The following ENOX1 variants were observed in gnomAD, a reference collection of about 807,000 sequenced individuals.
The protein encoded by ENOX1 is candidate growth-related and time keeping constitutive hydroquinone (NADH) oxidase.
ENOX1 carries 42 observed loss-of-function variants against 82.5 expected under a neutral mutation model. The observed-to-expected ratio is 0.51, with a 90% CI of 0.40 to 0.66. The LOEUF is 0.66. Among genes scored for constraint, ENOX1 ranks in the 30% least tolerant of loss-of-function variants. ENOX1 has a pLI of 0.00. For synonymous variants in ENOX1, 271 were observed against 282.2 expected, an observed-to-expected ratio of 0.96 and a Z score of 0.40; for missense variants, 608 against 811.6, an observed-to-expected ratio of 0.75 and a Z score of 3.05.
chr13:43,606,741 C>T (rs1213926245), intron 2 of ENOX1, among the ~76,000 whole-genome samples: 1 of 151,926 alleles, frequency 6.6e-6, no homozygotes, highest in Non-Finnish European at 1.5e-5. Context: ...GATGGCAGGG[C>T]ATGGTGGCTC....
Position 43,396,472 on chromosome 13 carries a change from C to T in ENOX1, c.208+15444G>A, listed in dbSNP as rs140850953. On this transcript the variant is annotated intron_variant, in intron 5 of 16. Coordinates refer to ENST00000690772, the MANE Select transcript of ENOX1 (RefSeq NM_001347969.2). Reference sequence around the variant, plus strand: ...TCGGCTCACTGCAACCTCCGCCTTCCGGGTTCAAGTGATTCTCCTGTGTCA... The same window carrying T: ...TCGGCTCACTGCAACCTCCGCCTTCTGGGTTCAAGTGATTCTCCTGTGTCA... Among the ~76,000 whole-genome samples the T allele has an allele frequency of 2.7e-3, 411 of 152,268 alleles. 10 individuals carry two copies. In the East Asian group the frequency reaches 0.047, roughly 18 times the overall value.
chr13:43,751,842 T>C (rs1272703093), intron 1 of ENOX1, among the ~76,000 whole-genome samples: 3 of 152,200 alleles, frequency 2.0e-5, no homozygotes, highest in Non-Finnish European at 4.4e-5. Flanking sequence ...GCTATGAACA[T>C]TCACATACAA....
rs900892625 is a variant in ENOX1, at chr13:43,506,683, G to A, written c.-218-22531C>T. On this transcript the variant is annotated intron_variant, in intron 2 of 16. Coordinates refer to ENST00000690772, the MANE Select transcript of ENOX1 (RefSeq NM_001347969.2). ...AAAAAATGATGAGTTCATGTCCTTT[G>A]TAGGGACATGGATGAAGCTGGAAAC... Among the ~76,000 whole-genome samples, 5 of 134,588 alleles carry A rather than the reference G, an allele frequency of 3.7e-5. 1 individual carries two copies. Among genetic ancestry groups the A allele is most frequent in the African/African-American group, 1.3e-4 (5 of 37,570 alleles). 88.3% of individuals were successfully genotyped at this position (134,588 alleles called of 152,430 possible).
At chr13:43,459,005 T>G (rs569864394) in intron 3 of ENOX1, 1 of 152,338 alleles carries the variant, frequency 6.6e-6, no homozygotes, top group South Asian at 2.1e-4. Flanking sequence ...TATGTTTCTC[T>G]GAGTTTCTAC....
rs2050498054 is a variant in ENOX1 at position 43,361,445 on chromosome 13, G to T, written c.216C>A (p.Ile72=). 6.2e-7 allele frequency: 1 copy of T among 1,610,756 alleles called. No individual in the cohort carries two copies. The highest frequency in any genetic ancestry group is 1.1e-5 in the South Asian group (1 of 89,922). The change falls in exon 6 of 17, where the codon ATC becomes ATA. Residue 72 remains isoleucine, a synonymous_variant. Transcript: ENST00000690772. ...LPGQQLVSDS[I]CVPGFDPSLN... is the part of the protein sequence containing the mutation. ...GGCTTGGATCAAAGCCTGGGACACA[G>T]ATTGAGTCTGTAAAGTATACAAGAT...
intron 1 of ENOX1, among the ~76,000 whole-genome samples, chr13:43,705,307 T>A (rs955328093): frequency 3.1e-5 from 2 of 64,532 alleles, no homozygotes; most frequent in Non-Finnish European, 7.4e-5. Flanking sequence ...AAACAACAAC[T>A]CTCTCTCTCT....
At chr13:43,528,661 T>C (rs914207165) in intron 2 of ENOX1, among the ~76,000 whole-genome samples, 3 of 152,128 alleles carry the variant, frequency 2.0e-5, no homozygotes, top group Non-Finnish European at 4.4e-5. Context: ...TATTCTTTCA[T>C]AGAAGGTTTT....
intron 1 of ENOX1, among the ~76,000 whole-genome samples, chr13:43,707,970 A>C (rs669486): frequency 0.92 from 139,415 of 152,056 alleles, 64,211 homozygotes; most frequent in East Asian, 1. Flanking sequence ...GAATGTCAGG[A>C]CACCATCAGG....
At chr13:43,567,690 T>G (rs998806841) in intron 2 of ENOX1, among the ~76,000 whole-genome samples, 1 of 152,024 alleles carries the variant, frequency 6.6e-6, no homozygotes, top group African/African-American at 2.4e-5. Flanking sequence ...GAGGGATCAG[T>G]GCTTAATCTA....
chr13:43,715,279 C>T (rs936452439), intron 1 of ENOX1, among the ~76,000 whole-genome samples: 20 of 152,166 alleles, frequency 1.3e-4, no homozygotes, highest in Middle Eastern at 3.2e-3. Context: ...CCGAGAGATC[C>T]GCTGTTAGTC....
intron 2 of ENOX1, among the ~76,000 whole-genome samples, chr13:43,589,962 A>C (rs1056463177): frequency 2.6e-5 from 4 of 152,118 alleles, no homozygotes; most frequent in Non-Finnish European, 5.9e-5. Context: ...AAGTTCAGCC[A>C]AGTATGAGCT....
chr13:43,267,174 T>C (rs528235615), intron 13 of ENOX1, among the ~76,000 whole-genome samples: 1 of 152,252 alleles, frequency 6.6e-6, no homozygotes, highest in East Asian at 1.9e-4. Context: ...TGCTGCTTTG[T>C]TCTTCTCTCT....
At chr13:43,435,146 G>C (rs1242796695) in intron 3 of ENOX1, among the ~76,000 whole-genome samples, 1 of 151,844 alleles carries the variant, frequency 6.6e-6, no homozygotes, top group Non-Finnish European at 1.5e-5. Context: ...TTTCCTTATG[G>C]TCATTCTAAA....
chr13:43,282,849 T>G (rs1277451510), intron 12 of ENOX1, among the ~76,000 whole-genome samples: 1 of 151,786 alleles, frequency 6.6e-6, no homozygotes, highest in Non-Finnish European at 1.5e-5. Flanking sequence ...TCCCAGCACT[T>G]TGGGAGGCTG....
intron 2 of ENOX1, among the ~76,000 whole-genome samples, chr13:43,595,140 C>T (rs1363773237): frequency 1.4e-5 from 2 of 147,694 alleles, no homozygotes; most frequent in African/African-American, 5.0e-5. Context: ...AAGCGGCATA[C>T]CTAGATCAGA....
chr13:43,319,000 G>T (rs1434689944), intron 11 of ENOX1, among the ~76,000 whole-genome samples: 3 of 152,016 alleles, frequency 2.0e-5, no homozygotes, highest in Non-Finnish European at 2.9e-5. Flanking sequence ...AGTGGAAAAG[G>T]GTAAGGGAGA....
intron 1 of ENOX1, among the ~76,000 whole-genome samples, chr13:43,755,896 G>A (rs199764105): frequency 6.6e-6 from 1 of 152,170 alleles, no homozygotes; most frequent in East Asian, 1.9e-4. Flanking sequence ...ACTATCTCCA[G>A]CCAGCCCATG....
intron 2 of ENOX1, among the ~76,000 whole-genome samples, chr13:43,486,060 A>G (rs1011233588): frequency 1.3e-5 from 2 of 152,142 alleles, no homozygotes; most frequent in Non-Finnish European, 2.9e-5. Context: ...AACACAAAAA[A>G]TTAGCCGGGC....
chr13:43,675,177 A>C (rs57838725), intron 1 of ENOX1, among the ~76,000 whole-genome samples: 20,868 of 152,154 alleles, frequency 0.14, 1,889 homozygotes, highest in East Asian at 0.33. Flanking sequence ...CAATCAACAG[A>C]GGCTGATGAT....
Sources: allele counts gnomAD v4.1 joint callset (sites outside exome capture counted in the v4.1 genomes callset), GRCh38; gene constraint gnomAD v4.1.1; transcripts MANE v1.5; gene names NCBI Gene and HGNC (gene_info 2026-07-23, HGNC 2026-07-21).